PRKN: variants seen among roughly 807,000 people sequenced by gnomAD.
PRKN encodes the protein parkin RBR E3 ubiquitin protein ligase, also known as E3 ubiquitin-protein ligase parkin.
PRKN carries 56 observed loss-of-function variants against 59.5 expected under a neutral mutation model. That is an observed-to-expected ratio of 0.94 (90% CI 0.76 to 1.18). The LOEUF (loss-of-function observed/expected upper bound fraction) is 1.18. PRKN is among the 50% of genes most tolerant of loss of function. PRKN has a pLI of 0.00. For synonymous variants in PRKN, 250 were observed against 222.1 expected, an observed-to-expected ratio of 1.13 and a Z score of -1.12; for missense variants, 657 against 596.4, an observed-to-expected ratio of 1.10 and a Z score of -1.06.
rs1784931294 is a variant in PRKN at position 161,360,428 on chromosome 6, T to C, written c.1168-223A>G. On this transcript the variant is annotated intron_variant, in intron 10 of 11. Transcript: ENST00000366898. This position sits in a 1 kb window ranked among gnomAD's most constrained non-coding sequence, Gnocchi z 5.1. ...GCGTAGGAGCGGGGAAGAGATTGTT[T>C]GGTTTTGTAGTGTGAGCTCCTCTAT... 6.6e-6 allele frequency among the ~76,000 whole-genome samples: 1 copy of C among 152,232 alleles called. No homozygotes were observed. Among genetic ancestry groups the C allele is most frequent in the Non-Finnish European group, 1.5e-5 (1 of 68,040 alleles).
Position 161,451,572 on chromosome 6 carries a change from C to T in PRKN, c.1084-64695G>A, listed in dbSNP as rs1789741510. ...CAGAGGGACCTACCCAGTCCCAAAG[C>T]TGAGGCACCACCCATCCTTGAATGG... On this transcript the variant is annotated intron_variant, in intron 9 of 11. Coordinates refer to ENST00000366898, the MANE Select transcript of PRKN (RefSeq NM_004562.3). The surrounding 1 kb of genome is among the most constrained non-coding windows in gnomAD (Gnocchi z 5.9). Among the ~76,000 whole-genome samples, 1 of 152,218 alleles carries T rather than the reference C, an allele frequency of 6.6e-6. No homozygotes were observed. Among genetic ancestry groups the T allele is most frequent in the Non-Finnish European group, 1.5e-5 (1 of 68,038 alleles).
intron 7 of PRKN, among the ~76,000 whole-genome samples, chr6:161,580,607 G>C (rs772167272): frequency 2.6e-5 from 4 of 151,896 alleles, no homozygotes; most frequent in Non-Finnish European, 5.9e-5. Flanking sequence ...CTCCCCAGTA[G>C]CTAGGACTAC....
intron 5 of PRKN, among the ~76,000 whole-genome samples, chr6:162,053,600 C>T (rs917917427): frequency 3.3e-5 from 5 of 151,964 alleles, no homozygotes; most frequent in East Asian, 1.9e-4. Flanking sequence ...ATTACATCGC[C>T]GGCCACCCAT....
At chr6:162,500,307 G>A (rs1317123142) in intron 1 of PRKN, among the ~76,000 whole-genome samples, 1 of 151,930 alleles carries the variant, frequency 6.6e-6, no homozygotes, top group Non-Finnish European at 1.5e-5. Flanking sequence ...GAGTAGCTGG[G>A]ATCACAGGCG....
chr6:162,650,442 C>T (rs1778377710), intron 1 of PRKN, among the ~76,000 whole-genome samples: 1 of 151,328 alleles, frequency 6.6e-6, no homozygotes, highest in South Asian at 2.1e-4. Context: ...ACTAAAAATA[C>T]AAAAAATTAG....
intron 4 of PRKN, among the ~76,000 whole-genome samples, chr6:162,146,536 G>A (rs1010412397): frequency 2.7e-5 from 4 of 149,456 alleles, no homozygotes; most frequent in African/African-American, 9.9e-5. Context: ...AGACCGTCTT[G>A]CTCAGTCACG....
chr6:161,957,714 C>T (rs1336093133), intron 6 of PRKN, among the ~76,000 whole-genome samples: 7 of 152,122 alleles, frequency 4.6e-5, no homozygotes, highest in African/African-American at 7.2e-5. Context: ...TGAGTCACCG[C>T]GCCCAGCCCA....
At position 162,331,410 on chromosome 6, in the gene PRKN, C is replaced by T. The variant is rs191092597; in HGVS notation, c.172-68645G>A. Among the ~76,000 whole-genome samples the T allele has an allele frequency of 2.1e-3, 321 of 152,302 alleles. 2 individuals carry two copies. Among genetic ancestry groups the T allele is most frequent in the African/African-American group, 7.4e-3 (309 of 41,568 alleles). On this transcript the variant is annotated intron_variant, in intron 2 of 11. Coordinates refer to ENST00000366898, the MANE Select transcript of PRKN (RefSeq NM_004562.3). ...GGACAATAAAATATGCCCGCTTCAT[C>T]ATTTCATTTATGTATCCATCCCTTC...
At chr6:162,439,694 TCTTTAG>T (rs762627144) in intron 2 of PRKN, among the ~76,000 whole-genome samples, 1 of 75,126 alleles carries the variant, frequency 1.3e-5, no homozygotes, top group South Asian at 3.2e-4. Flanking sequence ...TTCCTCTTCC[TCTTTAG>T]CCTACTCAAC....
chr6:162,152,545 C>T (rs1254684938), intron 4 of PRKN, among the ~76,000 whole-genome samples: 1 of 152,148 alleles, frequency 6.6e-6, no homozygotes, highest in Non-Finnish European at 1.5e-5. Flanking sequence ...ACAGTTCTTC[C>T]ACATGCATAC....
chr6:162,011,964 C>T (rs545925802), intron 5 of PRKN, among the ~76,000 whole-genome samples: 3 of 152,088 alleles, frequency 2.0e-5, no homozygotes, highest in Middle Eastern at 6.8e-3. Flanking sequence ...AGATAGCTAG[C>T]TAGCTAGAGG....
intron 6 of PRKN, among the ~76,000 whole-genome samples, chr6:161,899,304 C>G (rs1461158300): frequency 6.6e-6 from 1 of 152,176 alleles, no homozygotes; most frequent in Non-Finnish European, 1.5e-5. Context: ...AAATGTTATA[C>G]AAATCAATTT....
chr6:161,881,930 C>G (rs1794950654), intron 6 of PRKN, among the ~76,000 whole-genome samples: 1 of 152,072 alleles, frequency 6.6e-6, no homozygotes, highest in South Asian at 2.1e-4. Flanking sequence ...GGACAGGCAC[C>G]ATGGCAGAGT....
intron 7 of PRKN, among the ~76,000 whole-genome samples, chr6:161,642,541 T>C (rs1783782407): frequency 6.6e-6 from 1 of 151,574 alleles, no homozygotes; most frequent in African/African-American, 2.4e-5. Context: ...ATCAAAGGAG[T>C]CTTAACTGAG....
At chr6:162,054,493 T>G (rs1777778610) in intron 4 of PRKN, among the ~76,000 whole-genome samples, 1 of 152,216 alleles carries the variant, frequency 6.6e-6, no homozygotes, top group South Asian at 2.1e-4. Flanking sequence ...GCTCCACTTC[T>G]GTGTCTGCCC....
chr6:162,231,995 G>A (rs1039437930), intron 3 of PRKN, among the ~76,000 whole-genome samples: 3 of 152,110 alleles, frequency 2.0e-5, no homozygotes, highest in Non-Finnish European at 2.9e-5. Context: ...AGAGATGGGG[G>A]TCTGTCACTG....
chr6:162,131,926 A>G (rs963224841), intron 4 of PRKN, among the ~76,000 whole-genome samples: 4 of 152,214 alleles, frequency 2.6e-5, no homozygotes, highest in African/African-American at 9.6e-5. Flanking sequence ...TGTGCCTTCA[A>G]GGACATCACG....
intron 4 of PRKN, among the ~76,000 whole-genome samples, chr6:162,077,251 T>C (rs1429124196): frequency 6.6e-6 from 1 of 152,112 alleles, no homozygotes; most frequent in Non-Finnish European, 1.5e-5. Context: ...TATAGTAACA[T>C]GTTGTCCATG....
At chr6:161,720,517 G>C (rs1035163955) in intron 7 of PRKN, among the ~76,000 whole-genome samples, 5 of 148,826 alleles carry the variant, frequency 3.4e-5, no homozygotes, top group East Asian at 2.0e-4. Context: ...GGGCACAGGT[G>C]GGGGGGGGCA....
Sources: gnomAD v4.1 joint callset for allele counts (sites outside exome capture counted in the v4.1 genomes callset) on GRCh38, gnomAD v4.1.1 for gene constraint, Gnocchi (gnomAD v3.1) non-coding constraint, MANE v1.5 for transcripts, NCBI Gene and HGNC (gene_info 2026-07-23, HGNC 2026-07-21) for gene names.